Variants in KLHL4 observed in about 807,000 individuals in gnomAD.
KLHL4 encodes kelch-like protein 4.
In KLHL4, 17 loss-of-function variants were observed where a neutral mutation model predicts 45.8. That is an observed-to-expected ratio of 0.37 (90% confidence interval 0.25 to 0.56). KLHL4 has a LOEUF of 0.56. KLHL4 is among the 20% of genes least tolerant of loss of function. The pLI is 0.79. For missense variants in KLHL4, 544 were observed against 544.9 expected, an observed-to-expected ratio of 1.00 and a Z score of 0.02; for synonymous variants, 224 against 189.9, an observed-to-expected ratio of 1.18 and a Z score of -1.47.
intron 1 of KLHL4, among the ~76,000 whole-genome samples, chrX:87,591,858 A>C (rs1921675494): frequency 1.8e-5 from 2 of 112,108 alleles, no homozygotes; most frequent in South Asian, 7.3e-4. Flanking sequence ...TGTGTTAACA[A>C]CATTCCAAAT....
At position 87,618,019 on chromosome X, in the gene KLHL4, C is replaced by T; in HGVS notation, c.815C>T (p.Ser272Phe). ...CTGACTCAGGTCATTGATGTTTGCT[C>T]CAATTTTCTCATAAAGCAGCTCCAT... The part of the protein sequence containing the change: ...LQLTQVIDVC[S>F]NFLIKQLHPS... Residue 272 changes from serine to phenylalanine, a missense_variant, in exon 4 of 11, where the codon TCC (serine) becomes TTC (phenylalanine). Physicochemically the swap from Ser to Phe is radical, Grantham distance 155. Coordinates refer to ENST00000373119, the MANE Select transcript of KLHL4 (RefSeq NM_019117.5). 8.3e-7 allele frequency: 1 copy of T among 1,210,723 alleles called. No homozygotes were observed. Among genetic ancestry groups the T allele is most frequent in the Non-Finnish European group, 1.1e-6 (1 of 894,807 alleles).
intron 1 of KLHL4, among the ~76,000 whole-genome samples, chrX:87,535,857 A>G (rs1931416584): frequency 9.1e-6 from 1 of 109,989 alleles, no homozygotes; most frequent in African/African-American, 3.3e-5. Flanking sequence ...GAGTCCTTGC[A>G]AGCTCTGGTT....
intron 1 of KLHL4, among the ~76,000 whole-genome samples, chrX:87,520,599 A>T (rs1210156218): frequency 8.9e-6 from 1 of 112,376 alleles, no homozygotes; most frequent in African/African-American, 3.2e-5. Flanking sequence ...ATTCAAATGT[A>T]TTCATATGAA....
intron 1 of KLHL4, among the ~76,000 whole-genome samples, chrX:87,534,570 C>T (rs1316105651): frequency 9.0e-6 from 1 of 111,027 alleles, no homozygotes; most frequent in East Asian, 2.9e-4. Context: ...TTAATGTAAC[C>T]TCACACCCCT....
intron 9 of KLHL4, among the ~76,000 whole-genome samples, chrX:87,652,122 G>T (rs1923835853): frequency 8.9e-6 from 1 of 112,574 alleles, no homozygotes; most frequent in Admixed American, 9.4e-5. Context: ...TTCTACATTT[G>T]CTCCTTTTAG....
At chrX:87,577,664 T>C (rs112452682) in intron 1 of KLHL4, among the ~76,000 whole-genome samples, 14,429 of 111,298 alleles carry the variant, frequency 0.13, 920 homozygotes, top group Non-Finnish European at 0.2. Flanking sequence ...TATGTAAAAT[T>C]AAATGAGAGC....
intron 9 of KLHL4, among the ~76,000 whole-genome samples, chrX:87,664,480 G>T (rs1924299092): frequency 9.0e-6 from 1 of 111,630 alleles, no homozygotes; most frequent in East Asian, 2.8e-4. Flanking sequence ...ATAATGCCAG[G>T]ATCACAATAT....
In KLHL4 at chrX:87,614,450, G is replaced by A; in HGVS notation, c.607G>A (p.Val203Met). The change falls in exon 3 of 11, where the codon GTG (valine) becomes ATG (methionine). Residue 203 changes from valine (V) to methionine (M), a missense_variant. Physicochemically the swap from Val to Met is conservative, Grantham distance 21. Coordinates refer to ENST00000373119, the MANE Select transcript of KLHL4 (RefSeq NM_019117.5). Reference protein sequence around the residue: ...IPAHRLVLSAVSDYFAAMFTN... With the variant: ...IPAHRLVLSAMSDYFAAMFTN... ...TATTTCCAGGTTGGTTCTCAGCGCAGTGTCTGATTATTTTGCTGCAATGTT... is the reference window on the plus strand; with the variant it reads ...TATTTCCAGGTTGGTTCTCAGCGCAATGTCTGATTATTTTGCTGCAATGTT... The A allele has an allele frequency of 1.7e-6, 2 of 1,208,562 alleles. No individual in the cohort carries two copies. The highest frequency in any genetic ancestry group is 1.1e-6 in the Non-Finnish European group (1 of 893,445).
chrX:87,519,311 C>G lies in KLHL4; in HGVS notation c.422+996C>G, dbSNP rs1348187052. On this transcript the variant is annotated intron_variant, in intron 1 of 10. Coordinates refer to ENST00000373119, the MANE Select transcript of KLHL4 (RefSeq NM_019117.5). ...CTAATTTATTTGGAAACCTGGATAT[C>G]TGGCATACTATGTCTCTACCTAAAA... Among the ~76,000 whole-genome samples, 3 of 111,901 alleles carry G rather than the reference C, an allele frequency of 2.7e-5. No individual in the cohort carries two copies. The East Asian group carries it at 8.4e-4, about 31-fold the overall frequency.
chrX:87,517,813 A>G lies in KLHL4; in HGVS notation c.-81A>G, dbSNP rs1930912934. 7.8e-6 allele frequency: 8 copies of G among 1,025,821 alleles called. 1 individual carries two copies. The Admixed American group carries it at 1.2e-4, about 15-fold the overall frequency. The allele number at this position is 1,025,821 out of a possible 1,213,427, so 84.5% of individuals were successfully genotyped here. On this transcript the variant is annotated 5_prime_UTR_variant, in exon 1 of 11. Transcript: ENST00000373119. Reference sequence around the variant, plus strand: ...GCACTTGTGCTTTTGTTAGTTCTACAGAAGAGGCAGAAAAACAAGAGATAA... The same window carrying G: ...GCACTTGTGCTTTTGTTAGTTCTACGGAAGAGGCAGAAAAACAAGAGATAA...
chrX:87,552,603 C>T (rs1008616143), intron 1 of KLHL4, among the ~76,000 whole-genome samples: 24 of 110,810 alleles, frequency 2.2e-4, no homozygotes, highest in African/African-American at 7.8e-4. Context: ...CTTGCACATG[C>T]ATGTTTATAG....
intron 1 of KLHL4, among the ~76,000 whole-genome samples, chrX:87,610,500 G>T (rs1050538347): frequency 1.3e-4 from 14 of 111,594 alleles, no homozygotes; most frequent in Non-Finnish European, 2.4e-4. Context: ...ACTCCAAATT[G>T]TATGTATAGT....
chrX:87,632,115 C>A, intron 6 of KLHL4, 95 bp from the exon 7 acceptor site: 1 of 499,950 alleles, frequency 2.0e-6, no homozygotes, highest in Non-Finnish European at 3.4e-6. Flanking sequence ...TGATACTGTG[C>A]TGTAAGTTAT....
intron 7 of KLHL4, among the ~76,000 whole-genome samples, chrX:87,632,720 T>TTC (rs1160511486): frequency 1.8e-5 from 2 of 111,352 alleles, no homozygotes; most frequent in Non-Finnish European, 3.8e-5. Context: ...GCAAGGAGCT[T>TTC]TCTTCTAAGC....
At chrX:87,601,458 C>T (rs1278510494) in intron 1 of KLHL4, among the ~76,000 whole-genome samples, 1 of 111,714 alleles carries the variant, frequency 9.0e-6, no homozygotes, top group Non-Finnish European at 1.9e-5. Flanking sequence ...ATGCTTTTCC[C>T]TTACCAGTGG....
chrX:87,553,479 C>G (rs1931883998), intron 1 of KLHL4, among the ~76,000 whole-genome samples: 2 of 110,682 alleles, frequency 1.8e-5, no homozygotes, highest in Non-Finnish European at 1.9e-5. Flanking sequence ...TTCCCAAATA[C>G]AAACATCAGA....
At chrX:87,522,884 T>C (rs933108554) in intron 1 of KLHL4, among the ~76,000 whole-genome samples, 5 of 111,979 alleles carry the variant, frequency 4.5e-5, no homozygotes, top group African/African-American at 1.6e-4. Flanking sequence ...TCTTCATGTC[T>C]CATTCTTGAC....
At chrX:87,535,600 T>C (rs958155634) in intron 1 of KLHL4, among the ~76,000 whole-genome samples, 3 of 111,128 alleles carry the variant, frequency 2.7e-5, no homozygotes, top group South Asian at 3.8e-4. Flanking sequence ...GGCTTCTCTA[T>C]ACTCTCAGTT....
At chrX:87,614,661 A>G in intron 3 of KLHL4, 91 bp downstream of exon 3, 1 of 803,247 alleles carries the variant, frequency 1.2e-6, no homozygotes, top group Non-Finnish European at 1.8e-6. Context: ...TGCTACTAAT[A>G]CTACTACTAT....
Sources: allele counts gnomAD v4.1 joint callset (sites outside exome capture counted in the v4.1 genomes callset), GRCh38; gene constraint gnomAD v4.1.1; transcripts MANE v1.5; gene names NCBI Gene and HGNC (gene_info 2026-07-23, HGNC 2026-07-21).